The following CNTNAP5 variants were observed in gnomAD, a reference collection of about 807,000 sequenced individuals.
The protein encoded by CNTNAP5 is contactin associated protein family member 5, also known as contactin-associated protein-like 5.
Under a neutral mutation model 150.2 loss-of-function variants are expected in CNTNAP5, and 72 were observed. That is an observed-to-expected ratio of 0.48 (90% CI 0.40 to 0.58). The LOEUF is 0.58. Ranked by LOEUF, CNTNAP5 falls within the 20% of genes least tolerant of loss-of-function variation. The probability of loss-of-function intolerance (pLI) is 0.00; values close to 1 mark genes in which losing one functional copy is unlikely to be tolerated. For missense variants in CNTNAP5, 1,636 were observed against 1,626.2 expected (o/e 1.01, Z -0.10); for synonymous variants, 672 against 619.8 (o/e 1.08, Z -1.25).
At chr2:124,866,264 C>CAAAA (rs1273187472) in intron 20 of CNTNAP5, among the ~76,000 whole-genome samples, 1 of 149,620 alleles carries the variant, frequency 6.7e-6, no homozygotes, top group African/African-American at 2.5e-5. Context: ...TCTCAAAAAA[C>CAAAA]AAACAAACAA....
chr2:124,912,842 G>A (rs1678684310), intron 23 of CNTNAP5, among the ~76,000 whole-genome samples: 1 of 151,996 alleles, frequency 6.6e-6, no homozygotes, highest in Non-Finnish European at 1.5e-5. Flanking sequence ...ATGCATTGAA[G>A]GAGTAGGAAC....
At chr2:124,577,722 G>A (rs1202289430) in intron 11 of CNTNAP5, among the ~76,000 whole-genome samples, 1 of 152,116 alleles carries the variant, frequency 6.6e-6, no homozygotes, top group Non-Finnish European at 1.5e-5. Flanking sequence ...CAAGGAGAAG[G>A]AGATGAGCCG....
chr2:124,277,239 A>G (rs1687905063), intron 3 of CNTNAP5, among the ~76,000 whole-genome samples: 1 of 152,164 alleles, frequency 6.6e-6, no homozygotes, highest in South Asian at 2.1e-4. Flanking sequence ...ATCGCCATGC[A>G]AGATGGGCTT....
intron 14 of CNTNAP5, among the ~76,000 whole-genome samples, chr2:124,752,694 C>T (rs1267807361): frequency 1.3e-5 from 2 of 152,166 alleles, no homozygotes; most frequent in African/African-American, 4.8e-5. Context: ...AAAGGAACTT[C>T]TCTCAACATA....
At chr2:124,122,776 A>ACT (rs1181684724) in intron 1 of CNTNAP5, among the ~76,000 whole-genome samples, 4 of 150,914 alleles carry the variant, frequency 2.7e-5, no homozygotes, top group Admixed American at 1.4e-4. Flanking sequence ...ACACACACAC[A>ACT]CACACACACA....
chr2:124,669,282 G>A (rs1223714491), intron 13 of CNTNAP5, among the ~76,000 whole-genome samples: 3 of 152,190 alleles, frequency 2.0e-5, no homozygotes, highest in African/African-American at 7.2e-5. Context: ...GTTTCATCAA[G>A]CTCTACAGCC....
chr2:124,466,834 A>T (rs1463064515), intron 6 of CNTNAP5, among the ~76,000 whole-genome samples: 10 of 152,174 alleles, frequency 6.6e-5, no homozygotes, highest in Admixed American at 6.6e-4. Context: ...TACAATCTCC[A>T]TTCAGTATCA....
chr2:124,681,711 A>G (rs1484224633), intron 13 of CNTNAP5, among the ~76,000 whole-genome samples: 1 of 152,030 alleles, frequency 6.6e-6, no homozygotes, highest in Admixed American at 6.5e-5. Flanking sequence ...CTACAGGTGC[A>G]TGCCACCATG....
chr2:124,637,797 C>T (rs941492302), intron 12 of CNTNAP5, among the ~76,000 whole-genome samples: 1 of 152,048 alleles, frequency 6.6e-6, no homozygotes, highest in Admixed American at 6.6e-5. Flanking sequence ...TCGTTATGGA[C>T]TCTAATTCAT....
intron 3 of CNTNAP5, among the ~76,000 whole-genome samples, chr2:124,306,788 C>A (rs191177781): frequency 3.0e-5 from 4 of 132,232 alleles, no homozygotes; most frequent in South Asian, 4.7e-4. Flanking sequence ...AGTTCAGTGG[C>A]ATAATCTTGG....
chr2:124,775,318 C>A (rs143859952), intron 17 of CNTNAP5, among the ~76,000 whole-genome samples: 1 of 152,088 alleles, frequency 6.6e-6, no homozygotes, highest in Admixed American at 6.5e-5. Context: ...TGAACAATTG[C>A]ATTCTGTATT....
At chr2:124,468,685 C>T (rs1415926776) in intron 6 of CNTNAP5, among the ~76,000 whole-genome samples, 1 of 152,148 alleles carries the variant, frequency 6.6e-6, no homozygotes, top group Non-Finnish European at 1.5e-5. Context: ...CGCACTTGGC[C>T]TAAGGGAGTG....
At position 124,916,737 on chromosome 2, in the gene CNTNAP5, T is replaced by C. The variant is rs577663228; in HGVS notation, c.*2449T>C. Among the ~76,000 whole-genome samples, 7 of 152,206 alleles carry C rather than the reference T, an allele frequency of 4.6e-5. No individual in the cohort carries two copies. In the South Asian group the frequency reaches 1.4e-3, roughly 32 times the overall value. On this transcript the variant is annotated 3_prime_UTR_variant, in exon 24 of 24. Coordinates refer to ENST00000682447, the MANE Select transcript of CNTNAP5 (RefSeq NM_001367498.1). ...ACCACAATGGCACTACAAAATCAAC[T>C]GGCATCTTCCTCACGTGTGTAGACT...
chr2:124,320,656 C>T lies in CNTNAP5; in HGVS notation c.381+78263C>T, dbSNP rs531070227. ...GGAAAAAAGCATAAAGATTCAAGAA[C>T]CTTATTTGGCAGCATTCAAGGAAAA... On this transcript the variant is annotated intron_variant, in intron 3 of 23. Transcript: ENST00000682447. Among the ~76,000 whole-genome samples the T allele has an allele frequency of 1.6e-3, 250 of 152,126 alleles. 1 individual carries two copies. The highest frequency in any genetic ancestry group is 2.6e-3 in the Non-Finnish European group (177 of 68,004).
chr2:124,918,993 C>T lies in CNTNAP5; in HGVS notation c.*4705C>T, dbSNP rs984337718. ...ATACTGTTCTTGAGTCTTTCTTGAC[C>T]TCTTCTTTTATCCCCTCTTTCATAG... On this transcript the variant is annotated 3_prime_UTR_variant, in exon 24 of 24. Coordinates refer to ENST00000682447, the MANE Select transcript of CNTNAP5 (RefSeq NM_001367498.1). Among the ~76,000 whole-genome samples the T allele has an allele frequency of 5.3e-5, 8 of 151,898 alleles. No homozygotes were observed. Among genetic ancestry groups the T allele is most frequent in the African/African-American group, 1.9e-4 (8 of 41,364 alleles).
At chr2:124,361,213 A>C (rs973704192) in intron 3 of CNTNAP5, among the ~76,000 whole-genome samples, 5 of 144,310 alleles carry the variant, frequency 3.5e-5, no homozygotes, top group African/African-American at 1.3e-4. Context: ...CATTCTTCTA[A>C]ATTTTTTTCA....
rs536815891 is a variant in CNTNAP5, at chr2:124,262,768, TGGG to T, written c.381+20376_381+20378del. The stretch of plus-strand genomic sequence containing the variant: ...GCACCGATTAACTTGTCATTTACAT[TGGG>T]TATATCTCCTAATGCTTTCCCTCTC... On this transcript the variant is annotated intron_variant, in intron 3 of 23. Coordinates refer to ENST00000682447, the MANE Select transcript of CNTNAP5 (RefSeq NM_001367498.1). Among the ~76,000 whole-genome samples the T allele has an allele frequency of 2.2e-3, 328 of 151,960 alleles. 1 individual carries two copies. Among genetic ancestry groups the T allele is most frequent in the Non-Finnish European group, 3.4e-3 (233 of 67,944 alleles).
rs992328647 is a variant in CNTNAP5, at chr2:124,142,414, A to G, written c.83-79291A>G. On this transcript the variant is annotated intron_variant, in intron 1 of 23. Coordinates refer to ENST00000682447, the MANE Select transcript of CNTNAP5 (RefSeq NM_001367498.1). The stretch of plus-strand genomic sequence containing the variant: ...AGTAAAGCTCTCCTCAGCAAATCTA[A>G]AGAACAGAAATTATAACAAACTATC... Among the ~76,000 whole-genome samples the G allele has an allele frequency of 7.9e-5, 12 of 152,106 alleles. No homozygotes were observed. The South Asian group carries it at 2.3e-3, about 29-fold the overall frequency.
chr2:124,891,007 T>C (rs1678183438), intron 21 of CNTNAP5, among the ~76,000 whole-genome samples: 1 of 152,120 alleles, frequency 6.6e-6, no homozygotes, highest in Admixed American at 6.5e-5. Flanking sequence ...AAAAAAAGTA[T>C]GTGGTAGAAT....
Sources: gnomAD v4.1 joint callset for allele counts (sites outside exome capture counted in the v4.1 genomes callset) on GRCh38, gnomAD v4.1.1 for gene constraint, MANE v1.5 for transcripts, NCBI Gene and HGNC (gene_info 2026-07-23, HGNC 2026-07-21) for gene names.